LRBA: variants seen among roughly 807,000 people sequenced by gnomAD.
LRBA encodes the protein lipopolysaccharide-responsive and beige-like anchor protein.
A neutral mutation model predicts 330.0 loss-of-function variants in LRBA; 176 were observed. The ratio of observed to expected loss-of-function variants is 0.53; its 90% CI spans 0.47 to 0.60. The LOEUF (loss-of-function observed/expected upper bound fraction) is 0.60. Ranked by LOEUF, LRBA falls within the 20% of genes least tolerant of loss-of-function variation. The pLI is 0.00. For synonymous variants in LRBA, 1,230 were observed against 1,193.0 expected (o/e 1.03, Z -0.64); for missense variants, 3,259 against 3,444.8 (o/e 0.95, Z 1.35).
chr4:150,396,480 T>TCACACACACACACACACACACACACA (rs10641158), intron 47 of LRBA, among the ~76,000 whole-genome samples: 2 of 145,774 alleles, frequency 1.4e-5, no homozygotes, highest in African/African-American at 5.1e-5. Context: ...AAATCTCATC[T>TCACACACACACACACACACACACACA]CACACACACA....
intron 34 of LRBA, among the ~76,000 whole-genome samples, chr4:150,768,063 CAAAA>C (rs777328686): frequency 3.4e-5 from 2 of 58,038 alleles, no homozygotes; most frequent in Non-Finnish European, 7.2e-5. Flanking sequence ...GACTCTGTCT[CAAAA>C]AAAAAAAAAA....
At chr4:150,706,448 C>G (rs1000996637) in intron 36 of LRBA, among the ~76,000 whole-genome samples, 4 of 151,388 alleles carry the variant, frequency 2.6e-5, no homozygotes, top group South Asian at 4.2e-4. Flanking sequence ...AAGATAAATT[C>G]CAAATAAATT....
chr4:150,315,395 G>A, intron 51 of LRBA, 166 bp downstream of exon 51: 2 of 676,134 alleles, frequency 3.0e-6, no homozygotes, highest in East Asian at 2.7e-5. Context: ...GGGAGTTGAT[G>A]AAATACCAGC....
intron 40 of LRBA, among the ~76,000 whole-genome samples, chr4:150,510,118 C>T (rs982668996): frequency 4.6e-5 from 7 of 151,870 alleles, no homozygotes; most frequent in East Asian, 1.9e-4. Context: ...CCAGCCTGGG[C>T]GGCAGAGTGA....
At chr4:150,915,766 A>C (rs1732516690) in intron 7 of LRBA, 39 bp from the exon 8 acceptor site, 1 of 1,550,076 alleles carries the variant, frequency 6.5e-7, no homozygotes. Context: ...CAAAGATAAC[A>C]ATTATCCCAA....
rs192561203 is a variant in LRBA, at chr4:150,576,204, G to A, written c.6330+11844C>T. ...GAGGAGGGGAGAGGAAAAGAAGGAA[G>A]GAACAAGGAAGAATAGGAAAAGAAA... On this transcript the variant is annotated intron_variant, in intron 40 of 56. Transcript: ENST00000651943. Among the ~76,000 whole-genome samples the A allele has an allele frequency of 4.1e-3, 608 of 148,654 alleles. 6 individuals are homozygous for A. The highest frequency in any genetic ancestry group is 0.012 in the African/African-American group (473 of 40,778).
At chr4:150,310,160 A>G in intron 52 of LRBA, 69 bp downstream of exon 52, 1 of 1,043,442 alleles carries the variant, frequency 9.6e-7, no homozygotes, top group Non-Finnish European at 1.4e-6. Context: ...GCAGATAAGA[A>G]TGCATCCTAA....
At chr4:150,520,903 C>A (rs565703156) in intron 40 of LRBA, among the ~76,000 whole-genome samples, 1 of 152,004 alleles carries the variant, frequency 6.6e-6, no homozygotes, top group South Asian at 2.1e-4. Context: ...AATATGTACA[C>A]CAACCTATAT....
chr4:150,417,314 T>G (rs949138002), intron 46 of LRBA, among the ~76,000 whole-genome samples: 2 of 152,166 alleles, frequency 1.3e-5, no homozygotes, highest in Non-Finnish European at 2.9e-5. Context: ...TATAATTTTC[T>G]AGTATTAATT....
rs558697962 is a variant in LRBA, at chr4:150,444,458, G to A, written c.6781-7594C>T. On this transcript the variant is annotated intron_variant, in intron 44 of 56. Transcript: ENST00000651943. ...GCAACTATTTTCTTTCAACTGTAGC[G>A]CTCTTTCATCTAAATGACAAGTATA... 5.1e-4 allele frequency among the ~76,000 whole-genome samples: 77 copies of A among 152,168 alleles called. No homozygotes were observed. In the East Asian group the frequency reaches 6.4e-3, roughly 13 times the overall value.
At chr4:150,721,554 T>C (rs920441074) in intron 36 of LRBA, 7 of 212,164 alleles carry the variant, frequency 3.3e-5, no homozygotes, top group South Asian at 8.1e-5. Context: ...ACAATGTGAA[T>C]TAAATTCTAT....
chr4:151,007,717 C>T (rs1039239348), intron 2 of LRBA, among the ~76,000 whole-genome samples: 2 of 150,790 alleles, frequency 1.3e-5, no homozygotes, highest in Non-Finnish European at 3.0e-5. Flanking sequence ...ATTAGCCAGG[C>T]GTGGTGGCGG....
chr4:150,684,244 G>A (rs1355443047), intron 36 of LRBA, among the ~76,000 whole-genome samples: 5 of 152,176 alleles, frequency 3.3e-5, no homozygotes, highest in Admixed American at 6.5e-5. Context: ...AGTGGGACAA[G>A]AGAAGTGAAG....
At chr4:150,646,375 T>C (rs1411323472) in intron 37 of LRBA, among the ~76,000 whole-genome samples, 1 of 152,028 alleles carries the variant, frequency 6.6e-6, no homozygotes, top group Non-Finnish European at 1.5e-5. Flanking sequence ...TTAAGTTTAA[T>C]AAATCTACCA....
intron 29 of LRBA, 113 bp from the exon 30 acceptor site, chr4:150,828,734 A>G (rs2126812751): frequency 2.0e-6 from 2 of 998,318 alleles, no homozygotes; most frequent in East Asian, 4.9e-5. Flanking sequence ...GAAATACATC[A>G]TGTTCTAAAA....
At chr4:150,933,050 ATAC>A (rs1734684497) in intron 2 of LRBA, among the ~76,000 whole-genome samples, 1 of 152,194 alleles carries the variant, frequency 6.6e-6, no homozygotes, top group Non-Finnish European at 1.5e-5. Flanking sequence ...ATGATGTTAG[ATAC>A]AAGAACTTCA....
intron 11 of LRBA, 50 bp from the exon 12 acceptor site, chr4:150,906,455 T>C (rs771226613): frequency 4.0e-5 from 41 of 1,031,576 alleles, no homozygotes; most frequent in Non-Finnish European, 5.4e-5. Flanking sequence ...TCTATTTTTT[T>C]TAAATTAGGT....
rs192876989 is a variant in LRBA at position 150,303,763 on chromosome 4, C to T, written c.7850-971G>A. Among the ~76,000 whole-genome samples the T allele has an allele frequency of 4.1e-3, 617 of 152,036 alleles. 3 individuals carry two copies. Among genetic ancestry groups the T allele is most frequent in the African/African-American group, 0.013 (554 of 41,478 alleles). ...TAATTTTTTGTATTTTTAGTAGAGA[C>T]GGGGTTTCACTGTGTTAGCCAGGAT... On this transcript the variant is annotated intron_variant, in intron 52 of 56. Coordinates refer to ENST00000651943, the MANE Select transcript of LRBA (RefSeq NM_001364905.1).
intron 36 of LRBA, among the ~76,000 whole-genome samples, chr4:150,692,620 C>T (rs1257597648): frequency 1.3e-5 from 2 of 152,066 alleles, no homozygotes; most frequent in Non-Finnish European, 1.5e-5. Context: ...TAAATACCTT[C>T]TACAAATCAA....
Sources: gnomAD v4.1 joint callset for allele counts (sites outside exome capture counted in the v4.1 genomes callset) on GRCh38, gnomAD v4.1.1 for gene constraint, MANE v1.5 for transcripts, NCBI Gene and HGNC (gene_info 2026-07-23, HGNC 2026-07-21) for gene names.